The following SEMA6D variants were observed in gnomAD, a reference collection of about 807,000 sequenced individuals.
SEMA6D encodes semaphorin-6D.
A neutral mutation model predicts 106.6 loss-of-function variants in SEMA6D; 35 were observed. The observed-to-expected ratio is 0.33, with a 90% CI of 0.25 to 0.44. The LOEUF is 0.44. Among genes scored for constraint, SEMA6D ranks in the 20% least tolerant of loss-of-function variants. The pLI is 1.00. For missense variants in SEMA6D, 1,185 were observed against 1,345.9 expected, an observed-to-expected ratio of 0.88 and a Z score of 1.87; for synonymous variants, 499 against 487.7, an observed-to-expected ratio of 1.02 and a Z score of -0.31.
intron 1 of SEMA6D, among the ~76,000 whole-genome samples, chr15:47,199,451 C>T (rs1894572079): frequency 6.6e-6 from 1 of 152,066 alleles, no homozygotes. Flanking sequence ...GAGTGTGTGT[C>T]TCCCCTACAA....
intron 2 of SEMA6D, among the ~76,000 whole-genome samples, chr15:47,416,307 TC>T (rs2140347415): frequency 6.6e-6 from 1 of 152,268 alleles, no homozygotes; most frequent in East Asian, 1.9e-4. Flanking sequence ...AACTAATAGT[TC>T]CTTCAAGCCT....
At chr15:47,369,576 A>G (rs1457690003) in intron 1 of SEMA6D, among the ~76,000 whole-genome samples, 1 of 152,204 alleles carries the variant, frequency 6.6e-6, no homozygotes, top group Non-Finnish European at 1.5e-5. Flanking sequence ...TAAGATACCG[A>G]TTAGGATGAA....
At chr15:47,227,581 A>T (rs1000806580) in intron 1 of SEMA6D, among the ~76,000 whole-genome samples, 7 of 147,598 alleles carry the variant, frequency 4.7e-5, no homozygotes, top group Non-Finnish European at 3.0e-5. Context: ...ACACACACAC[A>T]CACACACACA....
chr15:47,751,791 A>G (rs2081451722), intron 1 of SEMA6D, among the ~76,000 whole-genome samples: 1 of 152,062 alleles, frequency 6.6e-6, no homozygotes, highest in Non-Finnish European at 1.5e-5. Flanking sequence ...CTTTATTCAC[A>G]GTTGATTTAC....
chr15:47,340,774 T>C (rs992720093), intron 1 of SEMA6D, among the ~76,000 whole-genome samples: 43 of 152,178 alleles, frequency 2.8e-4, no homozygotes, highest in Middle Eastern at 3.4e-3. Flanking sequence ...AAAGTACTGA[T>C]TCGAATAGAT....
rs1555438669 is a variant in SEMA6D at position 47,432,562 on chromosome 15, C to CGCATATGTATAT, written c.-159+20091_-159+20102dup. On this transcript the variant is annotated intron_variant, in intron 2 of 19. Transcript: ENST00000558014. ...TATGTGTTATGTGTATATACATATA[C>CGCATATGTATAT]GCATATGTATATACATATACAGCTA... Among the ~76,000 whole-genome samples, 26 of 43,332 alleles carry CGCATATGTATAT rather than the reference C, an allele frequency of 6.0e-4. No individual in the cohort carries two copies. In the South Asian group the frequency reaches 0.014, roughly 23 times the overall value. The allele number at this position is 43,332 out of a possible 152,430, so 28.4% of individuals were successfully genotyped here.
At chr15:47,428,779 TG>T (rs1453905670) in intron 2 of SEMA6D, among the ~76,000 whole-genome samples, 1 of 150,342 alleles carries the variant, frequency 6.7e-6, no homozygotes, top group Non-Finnish European at 1.5e-5. Flanking sequence ...AAAAAAAAAG[TG>T]GGTAAGATGG....
At chr15:47,766,531 C>G in intron 15 of SEMA6D, 85 bp from the exon 16 acceptor site, 1 of 1,164,668 alleles carries the variant, frequency 8.6e-7, no homozygotes, top group Non-Finnish European at 1.3e-6. Context: ...ACTAATCAGT[C>G]TGTGTTCTTG....
chr15:47,678,586 A>G (rs1012374910), intron 4 of SEMA6D, among the ~76,000 whole-genome samples: 1 of 152,070 alleles, frequency 6.6e-6, no homozygotes, highest in African/African-American at 2.4e-5. Flanking sequence ...CAAAGGGCAC[A>G]TAGCTAGTAA....
intron 3 of SEMA6D, among the ~76,000 whole-genome samples, chr15:47,524,548 A>G (rs971239769): frequency 6.6e-6 from 1 of 152,250 alleles, no homozygotes; most frequent in Admixed American, 6.5e-5. Flanking sequence ...GATAAATCAT[A>G]GACAAATAGA....
intron 1 of SEMA6D, among the ~76,000 whole-genome samples, chr15:47,388,181 A>T (rs555611178): frequency 1.1e-4 from 17 of 152,314 alleles, no homozygotes; most frequent in Admixed American, 4.6e-4. Context: ...GAGCAAACAA[A>T]CAATCAATGA....
chr15:47,768,976 C>G (rs968922488), intron 18 of SEMA6D, among the ~76,000 whole-genome samples: 1 of 152,182 alleles, frequency 6.6e-6, no homozygotes, highest in African/African-American at 2.4e-5. Flanking sequence ...GAAGCAGCCA[C>G]TCAGACAATC....
At chr15:47,625,932 T>G (rs556569994) in intron 4 of SEMA6D, among the ~76,000 whole-genome samples, 1 of 152,266 alleles carries the variant, frequency 6.6e-6, no homozygotes, top group East Asian at 1.9e-4. Context: ...ATATCTTATT[T>G]TGAAGGCCAT....
chr15:47,718,010 G>A (rs1567014787), intron 1 of SEMA6D, among the ~76,000 whole-genome samples: 1 of 152,198 alleles, frequency 6.6e-6, no homozygotes, highest in Admixed American at 6.5e-5. Context: ...GGAGGGGCAA[G>A]TGGACTTGGA....
In SEMA6D at chr15:47,771,448, G is replaced by C. The variant is rs1169322478; in HGVS notation, c.2885G>C (p.Arg962Thr). The C allele has an allele frequency of 6.2e-7, 1 of 1,614,108 alleles. No individual in the cohort carries two copies. Among genetic ancestry groups the C allele is most frequent in the Non-Finnish European group, 8.5e-7 (1 of 1,180,008 alleles). Residue 962 changes from arginine to threonine, a missense_variant, in exon 19 of 19, where the codon AGA (arginine) becomes ACA (threonine). By Grantham distance (71) the Arg-to-Thr change is moderately conservative (BLOSUM62 -1). Coordinates refer to ENST00000536845, the MANE Select transcript of SEMA6D (RefSeq NM_001358351.3). ...CCAATGACTTCTCTGGAAAGACAAA[G>C]AGGTTATCACAAAAATTCCTCCCAG... is the stretch of plus-strand genomic sequence containing the variant. ...GVPMTSLERQRGYHKNSSQRH... is the reference protein window; with the variant it reads ...GVPMTSLERQTGYHKNSSQRH...
rs1567016651 is a variant in SEMA6D, at chr15:47,348,719, C to CGAG, written c.-238-63674_-238-63673insGAG. ...CACACACACACACACACACACACAC[C>CGAG]ACACACACAGAGAGAGAGAGAGAGA... On this transcript the variant is annotated intron_variant, in intron 1 of 19. Transcript: ENST00000558014. 8.4e-4 allele frequency among the ~76,000 whole-genome samples: 16 copies of CGAG among 19,156 alleles called. No individual in the cohort carries two copies. The South Asian group carries it at 0.01, about 12-fold the overall frequency. 12.6% of individuals were successfully genotyped at this position (19,156 alleles called of 152,430 possible).
intron 11 of SEMA6D, 50 bp from the exon 12 acceptor site, chr15:47,764,588 G>A (rs2082237942): frequency 6.2e-7 from 1 of 1,604,206 alleles, no homozygotes; most frequent in Admixed American, 1.7e-5. Flanking sequence ...TACAGTACAT[G>A]GTGTGGCAGG....
chr15:47,284,168 A>G (rs1392488378), intron 1 of SEMA6D, among the ~76,000 whole-genome samples: 4 of 152,236 alleles, frequency 2.6e-5, no homozygotes, highest in African/African-American at 7.2e-5. Flanking sequence ...AGCAAGAGGC[A>G]TATCTCAAAT....
chr15:47,719,906 A>G (rs1013621809), intron 1 of SEMA6D, among the ~76,000 whole-genome samples: 53 of 152,374 alleles, frequency 3.5e-4, no homozygotes, highest in African/African-American at 1.3e-3. Flanking sequence ...ATATTACACA[A>G]ACATTTACTC....
Sources: gnomAD v4.1 joint callset for allele counts (sites outside exome capture counted in the v4.1 genomes callset) on GRCh38, gnomAD v4.1.1 for gene constraint, MANE v1.5 for transcripts, NCBI Gene and HGNC (gene_info 2026-07-23, HGNC 2026-07-21) for gene names.